AGPAT4: variants seen among roughly 807,000 people sequenced by gnomAD.
AGPAT4 encodes the protein 1-acylglycerol-3-phosphate O-acyltransferase 4, also known as 1-acyl-sn-glycerol-3-phosphate acyltransferase delta.
AGPAT4 carries 15 observed loss-of-function variants against 48.0 expected under a neutral mutation model. That is an observed-to-expected ratio of 0.31 (90% CI 0.21 to 0.48). AGPAT4 has a LOEUF of 0.48. AGPAT4 is among the 20% of genes least tolerant of loss of function. The pLI, the probability that AGPAT4 is intolerant of heterozygous loss-of-function variation, is 0.99. For synonymous variants in AGPAT4, 178 were observed against 198.7 expected (o/e 0.90, Z 0.88); for missense variants, 314 against 482.5 (o/e 0.65, Z 3.27).
In AGPAT4 at chr6:161,242,896, C is replaced by T. The variant is rs1380292618; in HGVS notation, c.-89-10594G>A. 6.6e-5 allele frequency among the ~76,000 whole-genome samples: 10 copies of T among 152,068 alleles called. No individual in the cohort carries two copies. In the South Asian group the frequency reaches 8.3e-4, roughly 13 times the overall value. On this transcript the variant is annotated intron_variant, in intron 1 of 8. Coordinates refer to ENST00000320285, the MANE Select transcript of AGPAT4 (RefSeq NM_020133.3). This position sits in a 1 kb window ranked among gnomAD's most constrained non-coding sequence, Gnocchi z 5.0. ...CAGCCTGGCCAACATAGTGAAACCC[C>T]GTCTCTACTAAGAACACAAAAATTA...
chr6:161,188,344 G>C (rs1168923533), intron 2 of AGPAT4, among the ~76,000 whole-genome samples: 4 of 152,100 alleles, frequency 2.6e-5, no homozygotes, highest in Non-Finnish European at 4.4e-5. Flanking sequence ...AATTATTAAG[G>C]ATTATGTATA....
In AGPAT4 at chr6:161,257,262, C is replaced by T. The variant is rs151104741; in HGVS notation, c.-90+16676G>A. On this transcript the variant is annotated intron_variant, in intron 1 of 8. Transcript: ENST00000320285. ...ACCACTAACAAGAAGGAACCAGTCC[C>T]GGCTCCATGCATGCCACGGGTGGAT... is the stretch of plus-strand genomic sequence containing the variant. 1.7e-4 allele frequency among the ~76,000 whole-genome samples: 26 copies of T among 152,278 alleles called. No individual in the cohort carries two copies. In the East Asian group the frequency reaches 4.8e-3, roughly 28 times the overall value.
At chr6:161,203,006 C>T (rs1258066748) in intron 2 of AGPAT4, among the ~76,000 whole-genome samples, 5 of 152,154 alleles carry the variant, frequency 3.3e-5, no homozygotes, top group East Asian at 3.8e-4. Flanking sequence ...CTCGAGTCTC[C>T]CCACTGGGAA....
In AGPAT4 at chr6:161,137,959, G is replaced by A. The variant is rs990408014; in HGVS notation, c.1043-1325C>T. Reference sequence around the variant, plus strand: ...GCTCAGGCTTCTTTTTTTGGTACTCGCTACACAGCTGGGTGGCCCTGTCTG... The same window carrying A: ...GCTCAGGCTTCTTTTTTTGGTACTCACTACACAGCTGGGTGGCCCTGTCTG... On this transcript the variant is annotated intron_variant, in intron 8 of 8. Transcript: ENST00000320285. This position sits in a 1 kb window ranked among gnomAD's most constrained non-coding sequence, Gnocchi z 6.1. Among the ~76,000 whole-genome samples, 2 of 152,144 alleles carry A rather than the reference G, an allele frequency of 1.3e-5. No homozygotes were observed. Among genetic ancestry groups the A allele is most frequent in the Non-Finnish European group, 2.9e-5 (2 of 68,006 alleles).
chr6:161,132,630 T>TGGA lies in AGPAT4; in HGVS notation c.*3907_*3909dup, dbSNP rs1778937324. On this transcript the variant is annotated 3_prime_UTR_variant, in exon 9 of 9. Coordinates refer to ENST00000320285, the MANE Select transcript of AGPAT4 (RefSeq NM_020133.3). ...GGACCAGAAGAATCAGAAAGCATGG[T>TGGA]GGAGTCCGAAAGCATTGGCAAAGCC... 6.6e-6 allele frequency: 1 copy of TGGA among 152,298 alleles called. No homozygotes were observed. The highest frequency in any genetic ancestry group is 1.5e-5 in the Non-Finnish European group (1 of 68,086). The allele number at this position is 152,298 out of a possible 1,614,324, so 9.4% of individuals were successfully genotyped here.
Position 161,131,180 on chromosome 6 carries a change from G to T in AGPAT4, c.*5360C>A. On this transcript the variant is annotated 3_prime_UTR_variant, in exon 9 of 9. Transcript: ENST00000320285. ...AAAAAACAAATTAAATGTAAAAATT[G>T]TATGACTCTTACCCAGTGAAAAGCT... is the stretch of plus-strand genomic sequence containing the variant. The T allele has an allele frequency of 3.3e-6, 1 of 300,872 alleles. No homozygotes were observed. The highest frequency in any genetic ancestry group is 3.1e-5 in the South Asian group (1 of 32,174). 18.6% of individuals were successfully genotyped at this position (300,872 alleles called of 1,614,324 possible).
chr6:161,209,121 C>T (rs567578577), intron 2 of AGPAT4, among the ~76,000 whole-genome samples: 1 of 152,188 alleles, frequency 6.6e-6, no homozygotes, highest in Non-Finnish European at 1.5e-5. Context: ...CACTTTGGTG[C>T]TAGAATGAGG....
At chr6:161,230,421 G>A (rs1782093861) in intron 2 of AGPAT4, among the ~76,000 whole-genome samples, 1 of 152,172 alleles carries the variant, frequency 6.6e-6, no homozygotes, top group African/African-American at 2.4e-5. Context: ...AATCAGTATT[G>A]CTTTGTTAAA....
intron 2 of AGPAT4, among the ~76,000 whole-genome samples, chr6:161,181,138 GTGCCTCCCA>G (rs1780575522): frequency 6.6e-6 from 1 of 152,094 alleles, no homozygotes; most frequent in Non-Finnish European, 1.5e-5. Context: ...AAACAGAAAG[GTGCCTCCCA>G]GCTCTAGCCC....
At position 161,147,424 on chromosome 6, in the gene AGPAT4, C is replaced by G. The variant is rs188281752; in HGVS notation, c.768-825G>C. Among the ~76,000 whole-genome samples, 1 of 152,282 alleles carries G rather than the reference C, an allele frequency of 6.6e-6. No homozygotes were observed. The highest frequency in any genetic ancestry group is 6.5e-5 in the Admixed American group (1 of 15,294). On this transcript the variant is annotated intron_variant, in intron 6 of 8. Transcript: ENST00000320285. This position sits in a 1 kb window ranked among gnomAD's most constrained non-coding sequence, Gnocchi z 4.8. The stretch of plus-strand genomic sequence containing the variant: ...CATTTATACTCAATTTTGTCCATGT[C>G]AAAGTCTGCATCTGGCTTGATTTCT...
At chr6:161,213,403 T>C (rs1781568049) in intron 2 of AGPAT4, among the ~76,000 whole-genome samples, 1 of 152,258 alleles carries the variant, frequency 6.6e-6, no homozygotes, top group Non-Finnish European at 1.5e-5. Context: ...ACACCTGTTG[T>C]TAGATTCTAG....
chr6:161,179,255 G>A (rs562734103), intron 2 of AGPAT4, among the ~76,000 whole-genome samples: 8 of 152,326 alleles, frequency 5.3e-5, no homozygotes, highest in Admixed American at 2.0e-4. Context: ...GAGTTAGGAC[G>A]TGTGTGGCTG....
chr6:161,150,597 G>A (rs930149700), intron 5 of AGPAT4, among the ~76,000 whole-genome samples: 16 of 152,178 alleles, frequency 1.1e-4, no homozygotes, highest in Admixed American at 5.9e-4. Context: ...ACCACCATGC[G>A]GGGTCTGCAG....
At position 161,272,500 on chromosome 6, in the gene AGPAT4, A is replaced by G. The variant is rs1444620200; in HGVS notation, c.-90+1438T>C. The stretch of plus-strand genomic sequence containing the variant: ...GCATCAGTTTAGCCGGTACCTGTTA[A>G]GAGGCTATGTCTTTCTAAGAGATGT... On this transcript the variant is annotated intron_variant, in intron 1 of 8. Transcript: ENST00000320285. The surrounding 1 kb of genome is among the most constrained non-coding windows in gnomAD (Gnocchi z 4.2). Among the ~76,000 whole-genome samples, 1 of 120,340 alleles carries G rather than the reference A, an allele frequency of 8.3e-6. No individual in the cohort carries two copies. The highest frequency in any genetic ancestry group is 2.4e-4 in the East Asian group (1 of 4,104). The allele number at this position is 120,340 out of a possible 152,430, so 78.9% of individuals were successfully genotyped here.
chr6:161,268,651 T>C (rs1783335304), intron 1 of AGPAT4, among the ~76,000 whole-genome samples: 1 of 152,214 alleles, frequency 6.6e-6, no homozygotes, highest in Non-Finnish European at 1.5e-5. Context: ...ACCAGAGTTA[T>C]TAGGAACAGC....
In AGPAT4 at chr6:161,246,434, A is replaced by C. The variant is rs954062178; in HGVS notation, c.-89-14132T>G. On this transcript the variant is annotated intron_variant, in intron 1 of 8. Coordinates refer to ENST00000320285, the MANE Select transcript of AGPAT4 (RefSeq NM_020133.3). This position sits in a 1 kb window ranked among gnomAD's most constrained non-coding sequence, Gnocchi z 5.5. The stretch of plus-strand genomic sequence containing the variant: ...GGATTCTTTTTTTTTTTTGAGACAG[A>C]GTTTCACTCTTGTTGCCCAGGCTGG... Among the ~76,000 whole-genome samples, 2 of 115,228 alleles carry C rather than the reference A, an allele frequency of 1.7e-5. No homozygotes were observed. The highest frequency in any genetic ancestry group is 8.0e-5 in the African/African-American group (2 of 25,048). 75.6% of individuals were successfully genotyped at this position (115,228 alleles called of 152,430 possible). A position where few individuals can be genotyped will look rare whatever the true frequency, so the allele number is the denominator to read the frequency against.
Position 161,136,256 on chromosome 6 carries a change from T to C in AGPAT4, c.*284A>G. 1 of 421,602 alleles carries C rather than the reference T, an allele frequency of 2.4e-6. No homozygotes were observed. Among genetic ancestry groups the C allele is most frequent in the Non-Finnish European group, 4.4e-6 (1 of 229,184 alleles). The allele number at this position is 421,602 out of a possible 1,614,324, so 26.1% of individuals were successfully genotyped here. Reference sequence around the variant, plus strand: ...CCTCCCCTGCAGCCTAAAATACCCTTTCTATGATCACAGAACAAAGTTCAC... The same window carrying C: ...CCTCCCCTGCAGCCTAAAATACCCTCTCTATGATCACAGAACAAAGTTCAC... On this transcript the variant is annotated 3_prime_UTR_variant, in exon 9 of 9. Transcript: ENST00000320285.
In AGPAT4 at chr6:161,146,436, C is replaced by G. The variant is rs567109019; in HGVS notation, c.843+88G>C. On this transcript the variant is annotated intron_variant, in intron 7 of 8. Transcript: ENST00000320285. The surrounding 1 kb of genome is among the most constrained non-coding windows in gnomAD (Gnocchi z 7.1). Reference sequence around the variant, plus strand: ...ACTGGCTCTGTGAGATCTCGCCCACCGGAGAAAGGCCTGCTACCACACAAC... The same window carrying G: ...ACTGGCTCTGTGAGATCTCGCCCACGGGAGAAAGGCCTGCTACCACACAAC... The G allele has an allele frequency of 6.9e-6, 9 of 1,302,340 alleles. No individual in the cohort carries two copies. Among genetic ancestry groups the G allele is most frequent in the Non-Finnish European group, 9.8e-6 (9 of 920,602 alleles). The allele number at this position is 1,302,340 out of a possible 1,614,324, so 80.7% of individuals were successfully genotyped here.
At chr6:161,193,452 C>T (rs2115002988) in intron 2 of AGPAT4, among the ~76,000 whole-genome samples, 1 of 152,330 alleles carries the variant, frequency 6.6e-6, no homozygotes, top group African/African-American at 2.4e-5. Flanking sequence ...ATTTCCAGAG[C>T]ATCCGGGGGA....
Sources: allele counts gnomAD v4.1 joint callset (sites outside exome capture counted in the v4.1 genomes callset), GRCh38; gene constraint gnomAD v4.1.1; non-coding constraint Gnocchi (gnomAD v3.1); transcripts MANE v1.5; gene names NCBI Gene and HGNC (gene_info 2026-07-23, HGNC 2026-07-21).